Variants in CATSPERG observed in about 807,000 individuals in gnomAD.
The protein encoded by CATSPERG is catsper channel auxiliary subunit gamma.
CATSPERG carries 115 observed loss-of-function variants against 145.0 expected under a neutral mutation model. That is an observed-to-expected ratio of 0.79 (90% CI 0.68 to 0.93). The LOEUF (loss-of-function observed/expected upper bound fraction) is 0.93. Among genes scored for constraint, CATSPERG ranks in the 40% least tolerant of loss-of-function variants. The pLI, the probability that CATSPERG is intolerant of heterozygous loss-of-function variation, is 0.00. For synonymous variants in CATSPERG, 588 were observed against 589.0 expected (o/e 1.00, Z 0.02); for missense variants, 1,296 against 1,490.1 (o/e 0.87, Z 2.14).
chr19:38,369,159 G>A (rs1297475879), intron 26 of CATSPERG, among the ~76,000 whole-genome samples: 1 of 152,170 alleles, frequency 6.6e-6, no homozygotes, highest in South Asian at 2.1e-4. Context: ...GGCTCAGTAA[G>A]TTTCATTCAA....
chr19:38,361,649 G>T lies in CATSPERG; in HGVS notation c.1882G>T (p.Gly628Cys). 2 of 1,609,420 alleles carry T rather than the reference G, an allele frequency of 1.2e-6. No individual in the cohort carries two copies. The highest frequency in any genetic ancestry group is 1.1e-5 in the South Asian group (1 of 90,760). The change falls in exon 17 of 29, where the codon GGC (glycine) becomes TGC (cysteine). Residue 628 changes from glycine (G) to cysteine (C), a missense_variant and splice_region_variant. Gly to Cys is a radical substitution (Grantham distance 159). Coordinates refer to ENST00000409235, the MANE Select transcript of CATSPERG (RefSeq NM_021185.5). ...TSHYDLERKG[G>C]YLMLSFIDFC... ...CCTTTCCCCCTTGCCACTGCCCAGG[G>T]GCTACTTGATGCTCTCCTTCATCGA...
At chr19:38,340,744 C>T (rs557647226) in intron 3 of CATSPERG, among the ~76,000 whole-genome samples, 1 of 152,114 alleles carries the variant, frequency 6.6e-6, no homozygotes, top group African/African-American at 2.4e-5. Flanking sequence ...CTCAGCCTCC[C>T]AAGTAGCAGG....
At chr19:38,369,825 G>T (rs759451570) in intron 26 of CATSPERG, 147 bp from the exon 27 acceptor site, 17 of 764,766 alleles carry the variant, frequency 2.2e-5, no homozygotes, top group Non-Finnish European at 3.9e-5. Context: ...CAGCATGAAT[G>T]AATGAGTGAA....
Position 38,367,508 on chromosome 19 carries a change from G to A in CATSPERG, c.2771-1G>A. 6.2e-7 allele frequency: 1 copy of A among 1,613,920 alleles called. No individual in the cohort carries two copies. On this transcript the variant is annotated splice_acceptor_variant, in intron 23 of 28. Transcript: ENST00000409235. LOFTEE classifies it high-confidence loss of function. ...GGTCTCAATCCCCTCCAACCCCATA[G>A]TTTTCTACCCCTTCTTCTTGATTCA...
intron 14 of CATSPERG, chr19:38,359,830 C>T (rs925771553): frequency 2.1e-5 from 26 of 1,236,486 alleles, no homozygotes; most frequent in Middle Eastern, 3.4e-4. Flanking sequence ...ACAGTGTGGT[C>T]GTTCACTTCA....
At chr19:38,336,479 G>T (rs1037855652) in intron 1 of CATSPERG, 1 of 299,864 alleles carries the variant, frequency 3.3e-6, no homozygotes, top group Non-Finnish European at 6.6e-6. Context: ...TGAGGAGCAA[G>T]CCCCGGGCGA....
chr19:38,336,666 C>T, intron 1 of CATSPERG: 1 of 235,804 alleles, frequency 4.2e-6, no homozygotes, highest in South Asian at 4.6e-5. Flanking sequence ...TGGGGCACAG[C>T]CGGGTGGAAG....
intron 28 of CATSPERG, 56 bp downstream of exon 28, chr19:38,370,314 A>G (rs1406340132): frequency 1.3e-6 from 2 of 1,520,670 alleles, no homozygotes; most frequent in African/African-American, 1.4e-5. Flanking sequence ...ACGCCTCCAT[A>G]CCTATGCTTG....
At chr19:38,369,260 TA>T (rs756864742) in intron 26 of CATSPERG, among the ~76,000 whole-genome samples, 24 of 152,130 alleles carry the variant, frequency 1.6e-4, no homozygotes, top group Non-Finnish European at 2.8e-4. Flanking sequence ...CTTTATTTTT[TA>T]TTTTTATTTA....
At chr19:38,353,696 CAAAA>C (rs34301376) in intron 8 of CATSPERG, among the ~76,000 whole-genome samples, 2 of 60,328 alleles carry the variant, frequency 3.3e-5, no homozygotes, top group Non-Finnish European at 6.4e-5. Flanking sequence ...GATGCCATCT[CAAAA>C]AAAAAAAAAA....
intron 14 of CATSPERG, 57 bp downstream of exon 14, chr19:38,359,638 G>T (rs1970309501): frequency 6.4e-7 from 1 of 1,552,960 alleles, no homozygotes; most frequent in South Asian, 1.2e-5. Context: ...AACCCCAGGG[G>T]CCCCTCTTTC....
rs1157214415 is a variant in CATSPERG, at chr19:38,344,081, C to T, written c.558C>T (p.Ile186=). 5 of 1,551,612 alleles carry T rather than the reference C, an allele frequency of 3.2e-6. No homozygotes were observed. Among genetic ancestry groups the T allele is most frequent in the Non-Finnish European group, 4.4e-6 (5 of 1,146,934 alleles). Residue 186 remains isoleucine, a synonymous_variant, in exon 5 of 29, where the codon ATC becomes ATT. Transcript: ENST00000409235. ...GCAGTGTGGTCATGCGTGTGGACAT[C>T]AGCAGCAATGGCCTGGGGACCTTCA... The part of the protein sequence containing the change: ...KKGSVVMRVD[I]SSNGLGTFIP...
chr19:38,360,965 C>A, intron 16 of CATSPERG, 122 bp downstream of exon 16: 1 of 792,684 alleles, frequency 1.3e-6, no homozygotes, highest in South Asian at 1.7e-5. Context: ...GCTATGATGG[C>A]AGGAGTTCAG....
Position 38,361,864 on chromosome 19 carries a change from G to T in CATSPERG, c.2094+3G>T. 2.5e-6 allele frequency: 4 copies of T among 1,603,554 alleles called. No homozygotes were observed. Among genetic ancestry groups the T allele is most frequent in the East Asian group, 2.3e-5 (1 of 44,404 alleles). ...GGCTGCACTCCGTGTACGACAAGGTGGGCGTCCGGCGGCGGGCGGGCAGGC... is the reference window on the plus strand; with the variant it reads ...GGCTGCACTCCGTGTACGACAAGGTTGGCGTCCGGCGGCGGGCGGGCAGGC... On this transcript the variant is annotated splice_donor_region_variant and intron_variant, in intron 17 of 28. Transcript: ENST00000409235.
intron 16 of CATSPERG, among the ~76,000 whole-genome samples, chr19:38,361,344 G>A (rs570542039): frequency 3.3e-5 from 5 of 152,240 alleles, no homozygotes; most frequent in African/African-American, 9.6e-5. Flanking sequence ...AGCTGGAGTC[G>A]GGACAGGGAA....
chr19:38,367,612 G>C, intron 24 of CATSPERG, 40 bp downstream of exon 24: 1 of 1,612,458 alleles, frequency 6.2e-7, no homozygotes, highest in South Asian at 1.1e-5. Context: ...CAGGTGGAGG[G>C]AGTGGAAGGA....
chr19:38,340,701 C>T (rs941072971), intron 3 of CATSPERG, among the ~76,000 whole-genome samples: 3 of 152,010 alleles, frequency 2.0e-5, no homozygotes, highest in Non-Finnish European at 4.4e-5. Context: ...CTCATTGCAG[C>T]CTCGACCTCC....
Position 38,361,802 on chromosome 19 carries a change from C to G in CATSPERG, c.2035C>G (p.Leu679Val). 6.2e-7 allele frequency: 1 copy of G among 1,613,146 alleles called. No individual in the cohort carries two copies. The highest frequency in any genetic ancestry group is 8.5e-7 in the Non-Finnish European group (1 of 1,179,638). ...CTCGGGCTTCCACAACGAGAACTCG[C>G]TCGCCATCTACCAGGGCCTGGTCTA... Reference protein sequence around the residue: ...ERSGFHNENSLAIYQGLVYYL... With the variant: ...ERSGFHNENSVAIYQGLVYYL... Residue 679 changes from leucine (L) to valine (V), a missense_variant, in exon 17 of 29, where the codon CTC (leucine) becomes GTC (valine). Leu to Val is a conservative substitution (Grantham distance 32). Coordinates refer to ENST00000409235, the MANE Select transcript of CATSPERG (RefSeq NM_021185.5).
Position 38,364,245 on chromosome 19 carries a change from C to T in CATSPERG, c.2476-646C>T, listed in dbSNP as rs1052793631. Among the ~76,000 whole-genome samples, 4 of 151,906 alleles carry T rather than the reference C, an allele frequency of 2.6e-5. No individual in the cohort carries two copies. In the South Asian group the frequency reaches 6.2e-4, roughly 24 times the overall value. On this transcript the variant is annotated intron_variant, in intron 20 of 28. Coordinates refer to ENST00000409235, the MANE Select transcript of CATSPERG (RefSeq NM_021185.5). ...GCGGAGGGGCTCCTCATTTCTCAGA[C>T]GGGGCGGTTGCCAGGCGGAGGGTCT...
Sources: gnomAD v4.1 joint callset for allele counts (sites outside exome capture counted in the v4.1 genomes callset) on GRCh38, gnomAD v4.1.1 for gene constraint, MANE v1.5 for transcripts, NCBI Gene and HGNC (gene_info 2026-07-23, HGNC 2026-07-21) for gene names.